Variants in TMEM170B observed in about 807,000 individuals in gnomAD.
TMEM170B encodes the protein transmembrane protein 170B.
TMEM170B carries 6 observed loss-of-function variants against 13.0 expected under a neutral mutation model. That is an observed-to-expected ratio of 0.46 (90% CI 0.25 to 0.91). The LOEUF (loss-of-function observed/expected upper bound fraction) is 0.91, where lower values mean the gene tolerates loss of function less well. Ranked by LOEUF, TMEM170B falls within the 40% of genes least tolerant of loss-of-function variation. TMEM170B has a pLI of 0.17. For missense variants in TMEM170B, 138 were observed against 165.2 expected (o/e 0.84, Z 0.90); for synonymous variants, 61 against 64.9 (o/e 0.94, Z 0.29).
chr6:11,538,651 T>C (rs976665828), intron 1 of TMEM170B, among the ~76,000 whole-genome samples: 6 of 152,200 alleles, frequency 3.9e-5, no homozygotes, highest in Non-Finnish European at 8.8e-5. Context: ...CCGGCCTCTG[T>C]AGTACGCGCG....
intron 1 of TMEM170B, among the ~76,000 whole-genome samples, chr6:11,539,772 G>T (rs1033261207): frequency 2.0e-5 from 3 of 152,144 alleles, no homozygotes; most frequent in African/African-American, 7.2e-5. Flanking sequence ...GATTTTGCTT[G>T]CATTTATCCA....
At chr6:11,545,753 A>G (rs1759430009) in intron 1 of TMEM170B, among the ~76,000 whole-genome samples, 1 of 151,972 alleles carries the variant, frequency 6.6e-6, no homozygotes, top group Non-Finnish European at 1.5e-5. Flanking sequence ...AAAAAGCTGA[A>G]TCCCAGCACT....
chr6:11,538,709 T>G (rs1429150193), intron 1 of TMEM170B, among the ~76,000 whole-genome samples: 1 of 152,190 alleles, frequency 6.6e-6, no homozygotes, highest in African/African-American at 2.4e-5. Context: ...TTTATTCCAT[T>G]ACCCTCCTCC....
At chr6:11,551,667 G>A (rs959647771) in intron 1 of TMEM170B, among the ~76,000 whole-genome samples, 4 of 152,174 alleles carry the variant, frequency 2.6e-5, no homozygotes, top group African/African-American at 9.7e-5. Context: ...GAAAATGTCA[G>A]TCATTATCCA....
At chr6:11,557,516 A>G (rs577972747) in intron 1 of TMEM170B, among the ~76,000 whole-genome samples, 40 of 152,336 alleles carry the variant, frequency 2.6e-4, no homozygotes, top group Non-Finnish European at 2.9e-5. Context: ...AAAAAAAAGG[A>G]AATAAAATAA....
intron 1 of TMEM170B, among the ~76,000 whole-genome samples, chr6:11,544,906 A>C (rs1413424894): frequency 6.6e-6 from 1 of 152,026 alleles, no homozygotes; most frequent in Non-Finnish European, 1.5e-5. Flanking sequence ...TTGTATATAC[A>C]GTTTTTTAGG....
intron 1 of TMEM170B, among the ~76,000 whole-genome samples, chr6:11,548,797 A>C (rs1040117029): frequency 6.6e-6 from 1 of 152,106 alleles, no homozygotes; most frequent in African/African-American, 2.4e-5. Context: ...GCTGGAAACC[A>C]TCATTCTGAG....
chr6:11,545,622 T>C (rs1326649707), intron 1 of TMEM170B, among the ~76,000 whole-genome samples: 1 of 151,964 alleles, frequency 6.6e-6, no homozygotes, highest in Non-Finnish European at 1.5e-5. Context: ...TGTATAAAAG[T>C]AGAGCATATA....
intron 1 of TMEM170B, among the ~76,000 whole-genome samples, chr6:11,547,317 A>C (rs1160251278): frequency 6.6e-6 from 1 of 152,198 alleles, no homozygotes; most frequent in African/African-American, 2.4e-5. Flanking sequence ...CGTTCCCAAG[A>C]AGGCATGCTT....
At chr6:11,543,154 T>G (rs1222348786) in intron 1 of TMEM170B, among the ~76,000 whole-genome samples, 1 of 152,232 alleles carries the variant, frequency 6.6e-6, no homozygotes, top group Non-Finnish European at 1.5e-5. Flanking sequence ...TGTATTTATC[T>G]CTTCTAGACT....
At chr6:11,546,192 T>C (rs1037409374) in intron 1 of TMEM170B, among the ~76,000 whole-genome samples, 1 of 152,092 alleles carries the variant, frequency 6.6e-6, no homozygotes, top group Non-Finnish European at 1.5e-5. Context: ...TTGATGATCC[T>C]GACCCTGTGT....
At chr6:11,551,090 G>C (rs1759518088) in intron 1 of TMEM170B, among the ~76,000 whole-genome samples, 1 of 152,160 alleles carries the variant, frequency 6.6e-6, no homozygotes, top group Non-Finnish European at 1.5e-5. Flanking sequence ...CAGGACTACT[G>C]CATTCTCTGC....
Position 11,538,216 on chromosome 6 carries a change from C to T in TMEM170B, c.-62C>T, listed in dbSNP as rs534175839. ...CGCGCACCCGCCGCCGCCCCCCGAGCCTCGCAGCCGCCGCCGCCGCCCGGC... is the reference window on the plus strand; with the variant it reads ...CGCGCACCCGCCGCCGCCCCCCGAGTCTCGCAGCCGCCGCCGCCGCCCGGC... On this transcript the variant is annotated 5_prime_UTR_variant, in exon 1 of 3. Transcript: ENST00000379426. 8.0e-5 allele frequency: 72 copies of T among 900,782 alleles called. No homozygotes were observed. The African/African-American group carries it at 1.2e-3, about 15-fold the overall frequency. 55.8% of individuals were successfully genotyped at this position (900,782 alleles called of 1,614,324 possible).
At position 11,579,609 on chromosome 6, in the gene TMEM170B, T is replaced by G. The variant is rs995914522; in HGVS notation, c.*4048T>G. ...TCATCTCCTTTTCACTTTTTCTTTTTAAAATCAGCAGATCTTTAAGAACCT... is the reference window on the plus strand; with the variant it reads ...TCATCTCCTTTTCACTTTTTCTTTTGAAAATCAGCAGATCTTTAAGAACCT... On this transcript the variant is annotated 3_prime_UTR_variant, in exon 3 of 3. Transcript: ENST00000379426. The G allele has an allele frequency of 2.0e-5, 3 of 152,230 alleles. No individual in the cohort carries two copies. Among genetic ancestry groups the G allele is most frequent in the Admixed American group, 6.5e-5 (1 of 15,290 alleles). The allele number at this position is 152,230 out of a possible 1,614,324, so 9.4% of individuals were successfully genotyped here.
chr6:11,557,767 C>T (rs910794864), intron 1 of TMEM170B, among the ~76,000 whole-genome samples: 33 of 152,136 alleles, frequency 2.2e-4, no homozygotes, highest in Admixed American at 2.1e-3. Flanking sequence ...CATCACACCT[C>T]GCTCATCTCT....
rs1238731966 is a variant in TMEM170B, at chr6:11,538,012, G to T, written c.-266G>T. ...CCTCGCTCGGGGGCCGCGCGAGGAC[G>T]GCGCCCGGCCCCCTCCCCTCCTTCC... On this transcript the variant is annotated 5_prime_UTR_variant, in exon 1 of 3. Transcript: ENST00000379426. 6.6e-6 allele frequency among the ~76,000 whole-genome samples: 1 copy of T among 151,046 alleles called. No homozygotes were observed. Among genetic ancestry groups the T allele is most frequent in the Non-Finnish European group, 1.5e-5 (1 of 67,560 alleles).
chr6:11,566,224 T>A (rs560813125), intron 2 of TMEM170B, among the ~76,000 whole-genome samples: 1 of 152,254 alleles, frequency 6.6e-6, no homozygotes, highest in Non-Finnish European at 1.5e-5. Flanking sequence ...AGCCCTGAGG[T>A]CCTTAATGTC....
At chr6:11,565,609 A>G (rs1759722955) in intron 1 of TMEM170B, 57 bp from the exon 2 acceptor site, 1 of 1,595,112 alleles carries the variant, frequency 6.3e-7, no homozygotes, top group Non-Finnish European at 8.6e-7. Context: ...TGTTTGTTAA[A>G]TTGAATTTTC....
intron 1 of TMEM170B, among the ~76,000 whole-genome samples, chr6:11,546,448 A>G (rs933999859): frequency 6.6e-6 from 1 of 152,198 alleles, no homozygotes; most frequent in Non-Finnish European, 1.5e-5. Flanking sequence ...TTTAAAAATA[A>G]ATTTAGTGTA....
Sources: allele counts gnomAD v4.1 joint callset (sites outside exome capture counted in the v4.1 genomes callset), GRCh38; gene constraint gnomAD v4.1.1; transcripts MANE v1.5; gene names NCBI Gene and HGNC (gene_info 2026-07-23, HGNC 2026-07-21).